TEX101: variants seen among roughly 807,000 people sequenced by gnomAD.
TEX101 encodes testis-expressed protein 101.
In TEX101, 10 loss-of-function variants were observed where a neutral mutation model predicts 18.1. The ratio of observed to expected loss-of-function variants is 0.55; its 90% CI spans 0.34 to 0.94. TEX101 has a LOEUF of 0.94. TEX101 is among the 40% of genes least tolerant of loss of function. TEX101 has a pLI of 0.02. For synonymous variants in TEX101, 94 were observed against 114.8 expected (o/e 0.82, Z 1.16); for missense variants, 259 against 298.9 (o/e 0.87, Z 0.98).
At chr19:43,403,596 A>G (rs1189640389) in intron 2 of TEX101, among the ~76,000 whole-genome samples, 2 of 152,202 alleles carry the variant, frequency 1.3e-5, no homozygotes, top group African/African-American at 4.8e-5. Context: ...TAATTTAAAA[A>G]AGGAAATACC....
At position 43,415,872 on chromosome 19, in the gene TEX101, A is replaced by G. The variant is rs1330947475; in HGVS notation, c.-39-9A>G. ...AAAGTTAATTGCCTTCTCTCCATCA[A>G]ATTCACAGATCCAGACCAGCTCCTC... On this transcript the variant is annotated splice_polypyrimidine_tract_variant and intron_variant, in intron 1 of 5. Coordinates refer to ENST00000598265, the MANE Select transcript of TEX101 (RefSeq NM_001130011.3). The G allele has an allele frequency of 5.0e-6, 8 of 1,613,204 alleles. No individual in the cohort carries two copies. Among genetic ancestry groups the G allele is most frequent in the Non-Finnish European group, 6.8e-6 (8 of 1,179,444 alleles).
the TEX101 span, among the ~76,000 whole-genome samples, chr19:43,390,447 TTTC>T: frequency 1.6e-5 from 2 of 124,174 alleles, no homozygotes; most frequent in Admixed American, 1.8e-4. Context: ...TCTCTTTTCT[TTTC>T]TTTTTTTTTC....
the TEX101 span, among the ~76,000 whole-genome samples, chr19:43,392,015 A>G: frequency 6.6e-6 from 1 of 152,182 alleles, no homozygotes; most frequent in East Asian, 1.9e-4. Flanking sequence ...CTCAATACAG[A>G]TGGACAACAT....
At position 43,418,239 on chromosome 19, in the gene TEX101, T is replaced by G. The variant is rs1970503263; in HGVS notation, c.592T>G (p.Leu198Val). The change falls in exon 6 of 6, where the codon TTA becomes GTA. Residue 198 changes from leucine (L) to valine (V), a missense_variant. By Grantham distance (32) the Leu-to-Val change is conservative. Transcript: ENST00000598265. ...MIGCRLMSGI[L>V]AVGPMFVREA... ...TGGCTGCAGGCTGATGTCTGGAATC[T>G]TAGCAGTAGGACCCATGTTTGTGAG... is the stretch of plus-strand genomic sequence containing the variant. 1 of 1,614,112 alleles carries G rather than the reference T, an allele frequency of 6.2e-7. No homozygotes were observed. The highest frequency in any genetic ancestry group is 1.3e-5 in the African/African-American group (1 of 74,932).
Position 43,408,497 on chromosome 19 carries a change from A to AAAAT in TEX101, c.15+1995_15+1998dup, listed in dbSNP as rs149674380. Among the ~76,000 whole-genome samples, 2,398 of 152,068 alleles carry AAAAT rather than the reference A, an allele frequency of 0.016. 118 individuals carry two copies. The East Asian group carries it at 0.16, about 10-fold the overall frequency. On this transcript the variant is annotated intron_variant, in intron 3 of 7. Transcript: ENST00000602198. ...CGCCCTTGCACGCCTCCTCCTCTTA[A>AAAAT]AAATAAATAAATAAATAAATGGCGA... is the stretch of plus-strand genomic sequence containing the variant.
At chr19:43,415,516 C>G (rs746460465) in intron 1 of TEX101, among the ~76,000 whole-genome samples, 1 of 152,122 alleles carries the variant, frequency 6.6e-6, no homozygotes, top group Non-Finnish European at 1.5e-5. Context: ...AATCCCAGCA[C>G]TATGGGGGGA....
At chr19:43,406,931 G>GTTTTTTTTTTTTTT (rs1002990799) in intron 3 of TEX101, among the ~76,000 whole-genome samples, 2 of 116,112 alleles carry the variant, frequency 1.7e-5, no homozygotes, top group Non-Finnish European at 1.7e-5. Context: ...TTTGTTTTTT[G>GTTTTTTTTTTTTTT]TTTTTTTTTT....
intron 1 of TEX101, among the ~76,000 whole-genome samples, chr19:43,402,338 A>T (rs1343407752): frequency 6.6e-6 from 1 of 152,242 alleles, no homozygotes; most frequent in Non-Finnish European, 1.5e-5. Context: ...ACATGATTAC[A>T]TTAGATTAAG....
At chr19:43,404,549 A>C (rs1210075731) in intron 2 of TEX101, among the ~76,000 whole-genome samples, 1 of 152,150 alleles carries the variant, frequency 6.6e-6, no homozygotes, top group Non-Finnish European at 1.5e-5. Flanking sequence ...AGGTGGAAGA[A>C]TTGTACAATG....
chr19:43,403,350 C>A (rs528050391), intron 2 of TEX101, among the ~76,000 whole-genome samples: 1 of 152,054 alleles, frequency 6.6e-6, no homozygotes, highest in Non-Finnish European at 1.5e-5. Context: ...TGAATTATCA[C>A]AAGGACAGAA....
upstream of TEX101, among the ~76,000 whole-genome samples, chr19:43,396,503 T>C (rs1970267301): frequency 6.6e-6 from 1 of 152,250 alleles, no homozygotes; most frequent in African/African-American, 2.4e-5. Context: ...GCATAGCCTG[T>C]AACGCTTTTT....
At chr19:43,410,868 A>C (rs1450672834), upstream of TEX101, among the ~76,000 whole-genome samples, 3 of 152,136 alleles carry the variant, frequency 2.0e-5, no homozygotes, top group Non-Finnish European at 4.4e-5. Flanking sequence ...AAGTACAAAA[A>C]AAAAATTTTT....
rs1336770287 is a variant in TEX101, at chr19:43,416,548, G to A, written c.384G>A (p.Glu128=). Residue 128 remains glutamate, a synonymous_variant, in exon 4 of 6, where the codon GAG becomes GAA. Coordinates refer to ENST00000598265, the MANE Select transcript of TEX101 (RefSeq NM_001130011.3). ...DSLSQFWEFS[E]TTASTVSTTL... is the part of the protein sequence containing the mutation. Reference sequence around the variant, plus strand: ...TGTCTCAGTTTTGGGAGTTCAGTGAGACCACAGGTACCCTGGAAGTGGGGG... The same window carrying A: ...TGTCTCAGTTTTGGGAGTTCAGTGAAACCACAGGTACCCTGGAAGTGGGGG... 7 of 1,613,302 alleles carry A rather than the reference G, an allele frequency of 4.3e-6. No individual in the cohort carries two copies. The highest frequency in any genetic ancestry group is 5.9e-6 in the Non-Finnish European group (7 of 1,179,514).
intron 4 of TEX101, among the ~76,000 whole-genome samples, chr19:43,417,408 T>A (rs1392495172): frequency 6.6e-6 from 1 of 152,216 alleles, no homozygotes; most frequent in Admixed American, 6.5e-5. Context: ...CCAAGCTGGC[T>A]CACACCACCT....
chr19:43,414,762 T>C, upstream of TEX101: 2 of 867,370 alleles, frequency 2.3e-6, no homozygotes, highest in Non-Finnish European at 2.8e-6. Flanking sequence ...TTGCCAGGAA[T>C]TGACTTCTCT....
intron 3 of TEX101, among the ~76,000 whole-genome samples, chr19:43,407,020 A>T (rs1433397176): frequency 1.4e-5 from 2 of 148,092 alleles, no homozygotes; most frequent in African/African-American, 5.0e-5. Context: ...TATGTGAGCT[A>T]TGTGATCGGC....
chr19:43,412,654 G>A (rs1376179016), upstream of TEX101, among the ~76,000 whole-genome samples: 2 of 152,042 alleles, frequency 1.3e-5, no homozygotes, highest in Non-Finnish European at 1.5e-5. Context: ...GGACAGACGG[G>A]GGCTGAAAAC....
chr19:43,397,853 A>ATATATTT (rs1970282654), upstream of TEX101, among the ~76,000 whole-genome samples: 1 of 100,648 alleles, frequency 9.9e-6, no homozygotes, highest in African/African-American at 3.8e-5. Flanking sequence ...AATATATAAT[A>ATATATTT]TATATAAATA....
chr19:43,416,099 C>G lies in TEX101; in HGVS notation c.65C>G (p.Ser22Trp). 1.2e-6 allele frequency: 2 copies of G among 1,606,510 alleles called. No homozygotes were observed. The highest frequency in any genetic ancestry group is 1.1e-5 in the South Asian group (1 of 90,272). ...TATCCTTTTCTTGTTTTCTCCTCAG[C>G]GGGCCTAGAGCTGTATTGTCAAAAG... ...LLVLGASLLTSGLELYCQKGL... is the reference protein window; with the variant it reads ...LLVLGASLLTWGLELYCQKGL... Residue 22 changes from serine to tryptophan, a missense_variant and splice_region_variant, in exon 3 of 6, where the codon TCG becomes TGG. Transcript: ENST00000598265.
Sources: allele counts gnomAD v4.1 joint callset (sites outside exome capture counted in the v4.1 genomes callset), GRCh38; gene constraint gnomAD v4.1.1; transcripts MANE v1.5; gene names NCBI Gene and HGNC (gene_info 2026-07-23, HGNC 2026-07-21).